MYBPC1: variants seen among roughly 807,000 people sequenced by gnomAD.
The protein encoded by MYBPC1 is myosin-binding protein C, slow-type.
MYBPC1 carries 52 observed loss-of-function variants against 147.1 expected under a neutral mutation model. The observed-to-expected ratio is 0.35, with a 90% confidence interval of 0.28 to 0.45. MYBPC1 has a LOEUF of 0.45. MYBPC1 is among the 20% of genes least tolerant of loss of function. MYBPC1 has a pLI of 1.00. For synonymous variants in MYBPC1, 477 were observed against 475.9 expected, an observed-to-expected ratio of 1.00 and a Z score of -0.03; for missense variants, 1,228 against 1,440.3, an observed-to-expected ratio of 0.85 and a Z score of 2.39.
intron 10 of MYBPC1, among the ~76,000 whole-genome samples, chr12:101,637,799 C>G (rs1891294467): frequency 6.6e-6 from 1 of 152,026 alleles, no homozygotes; most frequent in Non-Finnish European, 1.5e-5. Context: ...AAAATTTACC[C>G]CTATCCCTCA....
chr12:101,621,940 T>G (rs1184331429), intron 3 of MYBPC1, among the ~76,000 whole-genome samples: 1 of 152,220 alleles, frequency 6.6e-6, no homozygotes, highest in Non-Finnish European at 1.5e-5. Flanking sequence ...TTCAGTTGTT[T>G]AAAGAATCAT....
chr12:101,643,319 T>C (rs1268760533), intron 11 of MYBPC1, among the ~76,000 whole-genome samples: 1 of 152,140 alleles, frequency 6.6e-6, no homozygotes, highest in Admixed American at 6.5e-5. Flanking sequence ...AGAAATGTAG[T>C]AGGGTTTTTT....
chr12:101,694,753 C>T, the MYBPC1 span, among the ~76,000 whole-genome samples: 2 of 78,266 alleles, frequency 2.6e-5, no homozygotes, highest in African/African-American at 1.3e-4. Context: ...CTGACTAATA[C>T]ATCTGCTTTT....
chr12:101,677,483 C>T (rs930248267), intron 27 of MYBPC1, 89 bp downstream of exon 27: 2 of 1,455,802 alleles, frequency 1.4e-6, no homozygotes, highest in Admixed American at 3.8e-5. Flanking sequence ...TGAAAGGGAA[C>T]AAAAAAATGG....
At chr12:101,610,835 G>A (rs1555223513) in intron 1 of MYBPC1, among the ~76,000 whole-genome samples, 1 of 152,170 alleles carries the variant, frequency 6.6e-6, no homozygotes, top group Non-Finnish European at 1.5e-5. Context: ...AGGTAGCAGG[G>A]AAAGGAAGTG....
At chr12:101,687,482 G>T (rs552743026), downstream of MYBPC1, among the ~76,000 whole-genome samples, 2 of 152,094 alleles carry the variant, frequency 1.3e-5, no homozygotes, top group African/African-American at 4.8e-5. Flanking sequence ...ATTGTTGGGC[G>T]TTCCAAGTCT....
chr12:101,671,416 A>G (rs142830132), intron 24 of MYBPC1, among the ~76,000 whole-genome samples: 1 of 152,104 alleles, frequency 6.6e-6, no homozygotes, highest in Non-Finnish European at 1.5e-5. Flanking sequence ...CATGAAACCA[A>G]ACTAAAGGGA....
intron 1 of MYBPC1, among the ~76,000 whole-genome samples, chr12:101,602,887 G>A (rs1055657254): frequency 3.9e-5 from 6 of 152,114 alleles, no homozygotes; most frequent in Admixed American, 3.3e-4. Context: ...CCAATTCGGG[G>A]GTCTGTAGTT....
chr12:101,649,576 G>T, intron 15 of MYBPC1, 150 bp downstream of exon 15: 1 of 859,928 alleles, frequency 1.2e-6, no homozygotes, highest in Non-Finnish European at 1.8e-6. Flanking sequence ...GTCTATGTCA[G>T]ATCAATCAGG....
intron 8 of MYBPC1, 116 bp from the exon 9 acceptor site, chr12:101,634,438 C>G: frequency 1.2e-6 from 1 of 837,190 alleles, no homozygotes. Context: ...GGAGAAAAGC[C>G]TCCCCCCTTC....
chr12:101,601,538 T>A (rs7965187), intron 1 of MYBPC1, among the ~76,000 whole-genome samples: 2,816 of 152,322 alleles, frequency 0.018, 85 homozygotes, highest in African/African-American at 0.065. Flanking sequence ...TCTCTTTCTA[T>A]AATGAGTTCA....
At chr12:101,644,257 G>A (rs946496213) in intron 11 of MYBPC1, among the ~76,000 whole-genome samples, 4 of 152,118 alleles carry the variant, frequency 2.6e-5, no homozygotes, top group East Asian at 3.9e-4. Flanking sequence ...GGCCGGTTTC[G>A]ATCTCCTGGC....
At chr12:101,688,493 A>T (rs1432589016), downstream of MYBPC1, among the ~76,000 whole-genome samples, 1 of 152,188 alleles carries the variant, frequency 6.6e-6, no homozygotes, top group Non-Finnish European at 1.5e-5. Context: ...TCTCATCTAA[A>T]TTAATATCAA....
At chr12:101,657,032 A>C (rs139954743) in intron 18 of MYBPC1, among the ~76,000 whole-genome samples, 325 of 152,310 alleles carry the variant, frequency 2.1e-3, no homozygotes, top group African/African-American at 7.6e-3. Flanking sequence ...ACTAAAAATA[A>C]ATAAATTACA....
the MYBPC1 span, among the ~76,000 whole-genome samples, chr12:101,693,888 T>A: frequency 8.1e-4 from 124 of 152,290 alleles, no homozygotes; most frequent in African/African-American, 2.9e-3. Context: ...GCAGAAGTGA[T>A]GTGTGCAACC....
intron 3 of MYBPC1, among the ~76,000 whole-genome samples, chr12:101,621,002 G>A (rs1406796710): frequency 2.0e-5 from 3 of 152,084 alleles, no homozygotes; most frequent in African/African-American, 4.8e-5. Context: ...AATGTGACTG[G>A]CAGATGAGGA....
rs1950868803 is a variant in MYBPC1, at chr12:101,680,480, A to T, written c.3384A>T (p.Ala1128=). ...ATGGAGGCACTTACTGCTGCAAAGC[A>T]GTCAATGACCTTGGGACAGTGGAGA... is the stretch of plus-strand genomic sequence containing the variant. ...PYDGGTYCCK[A]VNDLGTVEIE... Residue 1128 remains alanine, a synonymous_variant, in exon 29 of 32, where the codon GCA becomes GCT. Coordinates refer to ENST00000361466, the MANE Select transcript of MYBPC1 (RefSeq NM_002465.4). 1 of 1,614,072 alleles carries T rather than the reference A, an allele frequency of 6.2e-7. No homozygotes were observed. The highest frequency in any genetic ancestry group is 8.5e-7 in the Non-Finnish European group (1 of 1,180,006).
intron 8 of MYBPC1, among the ~76,000 whole-genome samples, chr12:101,633,715 G>A (rs151210515): frequency 2.6e-5 from 4 of 151,464 alleles, no homozygotes; most frequent in African/African-American, 7.3e-5. Flanking sequence ...CGAGCTCTTC[G>A]GTTAAAGCTA....
At chr12:101,662,893 C>G (rs2136477746) in intron 21 of MYBPC1, among the ~76,000 whole-genome samples, 1 of 152,234 alleles carries the variant, frequency 6.6e-6, no homozygotes, top group Admixed American at 6.5e-5. Flanking sequence ...TATAACCCAG[C>G]TTAGTGTAAA....
Sources: allele counts gnomAD v4.1 joint callset (sites outside exome capture counted in the v4.1 genomes callset), GRCh38; gene constraint gnomAD v4.1.1; transcripts MANE v1.5; gene names NCBI Gene and HGNC (gene_info 2026-07-23, HGNC 2026-07-21).